The following GTF2IRD1 variants were observed in gnomAD, a reference collection of about 807,000 sequenced individuals.
GTF2IRD1 encodes general transcription factor II-I repeat domain-containing protein 1.
A neutral mutation model predicts 113.2 loss-of-function variants in GTF2IRD1; 26 were observed. That is an observed-to-expected ratio of 0.23 (90% CI 0.17 to 0.32). The LOEUF (loss-of-function observed/expected upper bound fraction) is 0.32. Among genes scored for constraint, GTF2IRD1 ranks in the 10% least tolerant of loss-of-function variants. The probability of loss-of-function intolerance (pLI) is 1.00; values close to 1 mark genes in which losing one functional copy is unlikely to be tolerated. For synonymous variants in GTF2IRD1, 484 were observed against 529.1 expected, an observed-to-expected ratio of 0.91 and a Z score of 1.17; for missense variants, 864 against 1,280.8, an observed-to-expected ratio of 0.67 and a Z score of 4.97.
rs1211152241 is a variant in GTF2IRD1 at position 74,555,276 on chromosome 7, A to C, written c.1966+53A>C. 3.9e-6 allele frequency: 6 copies of C among 1,555,550 alleles called. No individual in the cohort carries two copies. In the African/African-American group the frequency reaches 8.1e-5, roughly 21 times the overall value. ...GTGTGGGCGGGCAAGGGAGGGCCCCAGGCCTCTGCCACCAGCCCCTCCTCC... is the reference window on the plus strand; with the variant it reads ...GTGTGGGCGGGCAAGGGAGGGCCCCCGGCCTCTGCCACCAGCCCCTCCTCC... On this transcript the variant is annotated intron_variant, in intron 18 of 26. Coordinates refer to ENST00000424337, the MANE Select transcript of GTF2IRD1 (RefSeq NM_005685.4). This position sits in a 1 kb window ranked among gnomAD's most constrained non-coding sequence, Gnocchi z 5.3.
At chr7:74,577,676 G>A (rs78460066) in intron 22 of GTF2IRD1, among the ~76,000 whole-genome samples, 12 of 148,322 alleles carry the variant, frequency 8.1e-5, no homozygotes, top group Non-Finnish European at 1.6e-4. Context: ...TTTTTTTAAA[G>A]ACAGTCTCCC....
At chr7:74,547,427 A>G (rs1459650845) in intron 17 of GTF2IRD1, 141 bp downstream of exon 17, 1 of 561,358 alleles carries the variant, frequency 1.8e-6, no homozygotes, top group Non-Finnish European at 3.0e-6. Context: ...GGTGTGTGCC[A>G]CCATGCCCAG....
rs1799527535 is a variant in GTF2IRD1 at position 74,555,329 on chromosome 7, G to A, written c.1966+106G>A. The A allele has an allele frequency of 9.6e-6, 14 of 1,460,858 alleles. No individual in the cohort carries two copies. Among genetic ancestry groups the A allele is most frequent in the Non-Finnish European group, 1.3e-5 (14 of 1,042,766 alleles). 90.5% of individuals were successfully genotyped at this position (1,460,858 alleles called of 1,614,324 possible). On this transcript the variant is annotated intron_variant, in intron 18 of 26. Transcript: ENST00000424337. The surrounding 1 kb of genome is among the most constrained non-coding windows in gnomAD (Gnocchi z 5.3). ...CTGCCTCTGTCCTGCTCCCATCCTG[G>A]CCCTGGCATTCTCCCCACACCCCCA...
intron 1 of GTF2IRD1, among the ~76,000 whole-genome samples, chr7:74,496,738 CCCCT>C (rs1342626214): frequency 1.3e-5 from 2 of 151,906 alleles, no homozygotes; most frequent in East Asian, 3.9e-4. Flanking sequence ...TGTTAGGTGC[CCCCT>C]CCCTCTCTCC....
chr7:74,543,887 A>AC (rs1798773911), intron 14 of GTF2IRD1, among the ~76,000 whole-genome samples: 1 of 131,624 alleles, frequency 7.6e-6, no homozygotes, highest in South Asian at 2.3e-4. Flanking sequence ...AAAAAAAAAA[A>AC]AAAAAAAAAC....
At chr7:74,471,672 T>TAAAA (rs66929736) in intron 1 of GTF2IRD1, among the ~76,000 whole-genome samples, 4 of 104,680 alleles carry the variant, frequency 3.8e-5, no homozygotes, top group Non-Finnish European at 7.3e-5. Context: ...TTGAAATATT[T>TAAAA]AAAAAAAAAA....
In GTF2IRD1 at chr7:74,520,120, G is replaced by T. The variant is rs1226219854; in HGVS notation, c.916+401G>T. 3.7e-5 allele frequency among the ~76,000 whole-genome samples: 3 copies of T among 82,108 alleles called. No homozygotes were observed. In the East Asian group the frequency reaches 1.1e-3, roughly 31 times the overall value. 53.9% of individuals were successfully genotyped at this position (82,108 alleles called of 152,430 possible). On this transcript the variant is annotated intron_variant, in intron 6 of 26. Coordinates refer to ENST00000424337, the MANE Select transcript of GTF2IRD1 (RefSeq NM_005685.4). ...AAAAAAAAAAAAAAAAAAAAAAAAA[G>T]CACCAGCGATATTTCAGGTGTCAAA...
intron 23 of GTF2IRD1, among the ~76,000 whole-genome samples, chr7:74,590,551 G>A (rs1490967977): frequency 4.6e-5 from 7 of 151,946 alleles, no homozygotes; most frequent in African/African-American, 1.4e-4. Flanking sequence ...ACCACGCCCG[G>A]CTAATTTTTT....
chr7:74,473,319 C>T (rs1794212487), intron 1 of GTF2IRD1, among the ~76,000 whole-genome samples: 1 of 152,192 alleles, frequency 6.6e-6, no homozygotes. Context: ...GACGTAGTCC[C>T]GCCCCCTGGT....
intron 17 of GTF2IRD1, among the ~76,000 whole-genome samples, chr7:74,549,225 C>T (rs1462625475): frequency 6.6e-6 from 1 of 151,128 alleles, no homozygotes; most frequent in African/African-American, 2.4e-5. Flanking sequence ...ATCACTTGAA[C>T]CCGGGAGGCG....
chr7:74,469,780 T>TG (rs1435333919), intron 1 of GTF2IRD1, among the ~76,000 whole-genome samples: 4 of 152,060 alleles, frequency 2.6e-5, no homozygotes, highest in Non-Finnish European at 5.9e-5. Flanking sequence ...CATGGCTCAC[T>TG]GCAGCCTCAA....
intron 1 of GTF2IRD1, among the ~76,000 whole-genome samples, chr7:74,483,307 G>A (rs1373034261): frequency 6.6e-6 from 1 of 152,106 alleles, no homozygotes; most frequent in Non-Finnish European, 1.5e-5. Context: ...TTGGGAGACT[G>A]AGGCAGGATT....
chr7:74,503,901 C>T (rs142439060), intron 1 of GTF2IRD1, among the ~76,000 whole-genome samples: 500 of 152,286 alleles, frequency 3.3e-3, no homozygotes, highest in Non-Finnish European at 5.5e-3. Context: ...TTCAGCCCCT[C>T]CTTTTCCCCT....
chr7:74,559,521 A>C, intron 21 of GTF2IRD1, 106 bp from the exon 22 acceptor site: 2 of 881,174 alleles, frequency 2.3e-6, no homozygotes. Flanking sequence ...CTGCTGCTGT[A>C]GGTCTGGGGT....
chr7:74,555,422 C>G lies in GTF2IRD1; in HGVS notation c.1967-16C>G. 2.5e-6 allele frequency: 4 copies of G among 1,613,786 alleles called. No homozygotes were observed. Among genetic ancestry groups the G allele is most frequent in the Non-Finnish European group, 2.5e-6 (3 of 1,179,638 alleles). On this transcript the variant is annotated splice_polypyrimidine_tract_variant and intron_variant, in intron 18 of 26. Transcript: ENST00000424337. This position sits in a 1 kb window ranked among gnomAD's most constrained non-coding sequence, Gnocchi z 5.3. ...TGCCTCCTCACTTGGCTTCTCTCCC[C>G]CTGCCCTGCCCCCAGAGAGGGATTC...
chr7:74,461,157 A>AC (rs1234564414), intron 1 of GTF2IRD1, among the ~76,000 whole-genome samples: 3 of 151,482 alleles, frequency 2.0e-5, no homozygotes, highest in African/African-American at 7.3e-5. Context: ...GGTGTGTGGG[A>AC]CCCCCGGGGG....
chr7:74,588,972 G>A lies in GTF2IRD1; in HGVS notation c.2321-879G>A, dbSNP rs368077552. Reference sequence around the variant, plus strand: ...TAGTGACCAGATGACACCCCCTCTGGCTGGGAGCCCCTCAGGGAAGCAGCC... The same window carrying A: ...TAGTGACCAGATGACACCCCCTCTGACTGGGAGCCCCTCAGGGAAGCAGCC... On this transcript the variant is annotated intron_variant, in intron 22 of 26. Coordinates refer to ENST00000424337, the MANE Select transcript of GTF2IRD1 (RefSeq NM_005685.4). Among the ~76,000 whole-genome samples the A allele has an allele frequency of 1.9e-3, 292 of 152,212 alleles. 3 individuals are homozygous for A. In the South Asian group the frequency reaches 0.025, roughly 13 times the overall value.
rs782131680 is a variant in GTF2IRD1, at chr7:74,518,136, C to T, written c.422-3C>T. 7.7e-6 allele frequency: 12 copies of T among 1,557,414 alleles called. No homozygotes were observed. The highest frequency in any genetic ancestry group is 2.3e-5 in the East Asian group (1 of 43,384). ...GGCCCCTCTCCTGGACTCTCCCCTACAGGCGAGGCCCTGGGAAGGGCCAGT... is the reference window on the plus strand; with the variant it reads ...GGCCCCTCTCCTGGACTCTCCCCTATAGGCGAGGCCCTGGGAAGGGCCAGT... On this transcript the variant is annotated splice_polypyrimidine_tract_variant and splice_region_variant and intron_variant, in intron 4 of 26. Coordinates refer to ENST00000424337, the MANE Select transcript of GTF2IRD1 (RefSeq NM_005685.4).
chr7:74,551,429 C>A (rs1342165378), intron 17 of GTF2IRD1, among the ~76,000 whole-genome samples: 5 of 152,210 alleles, frequency 3.3e-5, no homozygotes, highest in Admixed American at 6.5e-5. Flanking sequence ...TGCCAGGTCC[C>A]GGGCTTGCAG....
Sources: gnomAD v4.1 joint callset for allele counts (sites outside exome capture counted in the v4.1 genomes callset) on GRCh38, gnomAD v4.1.1 for gene constraint, Gnocchi (gnomAD v3.1) non-coding constraint, MANE v1.5 for transcripts, NCBI Gene and HGNC (gene_info 2026-07-23, HGNC 2026-07-21) for gene names.